UBXN11: variants seen among roughly 807,000 people sequenced by gnomAD.
The protein encoded by UBXN11 is UBX domain-containing protein 11.
A neutral mutation model predicts 62.8 loss-of-function variants in UBXN11; 47 were observed. That is an observed-to-expected ratio of 0.75 (90% CI 0.59 to 0.95). UBXN11 has a LOEUF of 0.95. UBXN11 is among the 40% of genes least tolerant of loss of function. UBXN11 has a pLI of 0.00. For synonymous variants in UBXN11, 294 were observed against 267.0 expected, an observed-to-expected ratio of 1.10 and a Z score of -0.99; for missense variants, 638 against 661.7, an observed-to-expected ratio of 0.96 and a Z score of 0.39.
chr1:26,318,186 A>C, exon 1 of UBXN11: 1 of 869,738 alleles, frequency 1.1e-6, no homozygotes. Flanking sequence ...AGAGCACAGC[A>C]GATGGACTCC....
intron 1 of UBXN11, among the ~76,000 whole-genome samples, chr1:26,311,929 C>T (rs2073748150): frequency 6.6e-6 from 1 of 152,162 alleles, no homozygotes; most frequent in African/African-American, 2.4e-5. Flanking sequence ...CTATCTCTTC[C>T]ACCTTCTCCC....
chr1:26,312,997 A>AAAT (rs2073758938), intron 1 of UBXN11, among the ~76,000 whole-genome samples: 1 of 150,744 alleles, frequency 6.6e-6, no homozygotes, highest in African/African-American at 2.4e-5. Context: ...AAAAAAAAAA[A>AAAT]AAAAAAAGAG....
At position 26,284,366 on chromosome 1, in the gene UBXN11, G is replaced by T; in HGVS notation, c.969C>A (p.His323Gln). Residue 323 changes from histidine to glutamine, a missense_variant, in exon 11 of 15, where the codon CAC (histidine) becomes CAA (glutamine). By Grantham distance (24) the His-to-Gln change is conservative. Coordinates refer to ENST00000374222, the MANE Select transcript of UBXN11 (RefSeq NM_001389556.1). ...CAGCCTGGAGGCCAAACTCACCTGG[G>T]TGCTCCTCCACCCTGTCCAAGGCCT... Reference protein sequence around the residue: ...MHKALDRVEEHPGSRMTAEKF... With the variant: ...MHKALDRVEEQPGSRMTAEKF... The T allele has an allele frequency of 6.2e-7, 1 of 1,614,090 alleles. No individual in the cohort carries two copies. Among genetic ancestry groups the T allele is most frequent in the Non-Finnish European group, 8.5e-7 (1 of 1,179,968 alleles).
At chr1:26,290,029 G>A (rs922186482) in intron 8 of UBXN11, among the ~76,000 whole-genome samples, 6 of 152,236 alleles carry the variant, frequency 3.9e-5, no homozygotes, top group African/African-American at 1.4e-4. Context: ...GGCAGGATCT[G>A]AACTCAGGCC....
In UBXN11 at chr1:26,286,021, G is replaced by T; in HGVS notation, c.576C>A (p.Pro192=). The T allele has an allele frequency of 6.2e-7, 1 of 1,605,452 alleles. No homozygotes were observed. The highest frequency in any genetic ancestry group is 8.5e-7 in the Non-Finnish European group (1 of 1,173,806). Residue 192 remains proline (P), a synonymous_variant, in exon 9 of 15, where the codon CCC becomes CCA. Transcript: ENST00000374222. ...GCAGCCTGTCAAAGTCCACCTCAGGGGGCGCCAATGAGTCCCCTGGCAAAG... is the reference window on the plus strand; with the variant it reads ...GCAGCCTGTCAAAGTCCACCTCAGGTGGCGCCAATGAGTCCCCTGGCAAAG... ...KFWKPGDSLA[P]PEVDFDRLLA... is the part of the protein sequence containing the mutation.
At chr1:26,312,398 A>G (rs976957754) in intron 1 of UBXN11, among the ~76,000 whole-genome samples, 2 of 151,952 alleles carry the variant, frequency 1.3e-5, no homozygotes, top group South Asian at 4.2e-4. Flanking sequence ...TTACAGGTGC[A>G]TGCCACCACG....
intron 4 of UBXN11, 65 bp from the exon 5 acceptor site, chr1:26,298,127 G>A: frequency 6.6e-7 from 1 of 1,521,564 alleles, no homozygotes; most frequent in Non-Finnish European, 8.9e-7. Context: ...GGGGGGGAGG[G>A]AGGAGGATAG....
chr1:26,310,416 T>C (rs912488885), upstream of UBXN11, among the ~76,000 whole-genome samples: 1 of 151,978 alleles, frequency 6.6e-6, no homozygotes, highest in Non-Finnish European at 1.5e-5. Context: ...CATGCGCCTA[T>C]AATCCCAGCT....
intron 1 of UBXN11, among the ~76,000 whole-genome samples, chr1:26,313,783 T>C (rs1370343585): frequency 1.8e-4 from 3 of 17,112 alleles, no homozygotes; most frequent in African/African-American, 4.0e-4. Context: ...ATTTTTTTTC[T>C]TTTTTTTTTT....
At chr1:26,312,921 G>C (rs992178407) in intron 1 of UBXN11, among the ~76,000 whole-genome samples, 2 of 125,902 alleles carry the variant, frequency 1.6e-5, no homozygotes, top group Non-Finnish European at 3.2e-5. Flanking sequence ...GGAGGTTGCA[G>C]TGAACTGAGA....
chr1:26,308,935 ATTTTT>A (rs57323315), upstream of UBXN11, among the ~76,000 whole-genome samples: 1 of 108,272 alleles, frequency 9.2e-6, no homozygotes, highest in South Asian at 3.2e-4. Context: ...CAGTCGTTTG[ATTTTT>A]TTTTTTTTTT....
chr1:26,306,826 G>GC (rs1557691975), upstream of UBXN11: 4 of 79,336 alleles, frequency 5.0e-5, 1 homozygote, highest in Non-Finnish European at 1.1e-4. Context: ...GTCCGGGGCG[G>GC]GGTGGGGGGG....
chr1:26,285,757 A>G, intron 9 of UBXN11, 66 bp downstream of exon 9: 1 of 1,526,262 alleles, frequency 6.6e-7, no homozygotes, highest in South Asian at 1.3e-5. Context: ...AGCTGGCTTC[A>G]TCATCCCCAA....
At chr1:26,314,782 G>A (rs1412295567) in intron 1 of UBXN11, among the ~76,000 whole-genome samples, 1 of 152,206 alleles carries the variant, frequency 6.6e-6, no homozygotes, top group East Asian at 1.9e-4. Flanking sequence ...TCAACAGAAA[G>A]GGCCCTTCGA....
intron 5 of UBXN11, 52 bp from the exon 6 acceptor site, chr1:26,297,533 G>T (rs747976945): frequency 1.3e-6 from 2 of 1,491,906 alleles, no homozygotes; most frequent in Non-Finnish European, 1.8e-6. Context: ...CCAGAGCCCT[G>T]CCCAGACAGG....
upstream of UBXN11, among the ~76,000 whole-genome samples, chr1:26,310,410 C>A (rs952160553): frequency 3.9e-5 from 6 of 151,956 alleles, no homozygotes; most frequent in African/African-American, 1.5e-4. Flanking sequence ...TGGTGGCATG[C>A]GCCTATAATC....
At chr1:26,316,266 CCT>C (rs1233014422) in intron 1 of UBXN11, among the ~76,000 whole-genome samples, 1 of 151,700 alleles carries the variant, frequency 6.6e-6, no homozygotes, top group Non-Finnish European at 1.5e-5. Context: ...CTATGCCCAG[CCT>C]CTGTTTTTTT....
rs1432222468 is a variant in UBXN11 at position 26,316,371 on chromosome 1, C to A, written c.-149+1676G>T. Among the ~76,000 whole-genome samples the A allele has an allele frequency of 2.6e-5, 4 of 151,764 alleles. No homozygotes were observed. In the South Asian group the frequency reaches 8.3e-4, roughly 32 times the overall value. On this transcript the variant is annotated intron_variant, in intron 1 of 14. Transcript: ENST00000374217. The stretch of plus-strand genomic sequence containing the variant: ...AGTGAGGGGAGTTTTCCCTTTACTA[C>A]CTAGCATGTAAATGAGGCCTAAAGT...
chr1:26,285,059 C>G (rs550966980), intron 10 of UBXN11: 1 of 1,015,120 alleles, frequency 9.9e-7, no homozygotes, highest in South Asian at 3.8e-5. Flanking sequence ...TACCTCATGT[C>G]TTTGAGTCCC....
Sources: gnomAD v4.1 joint callset for allele counts (sites outside exome capture counted in the v4.1 genomes callset) on GRCh38, gnomAD v4.1.1 for gene constraint, MANE v1.5 for transcripts, NCBI Gene and HGNC (gene_info 2026-07-23, HGNC 2026-07-21) for gene names.